ARL6: variants seen among roughly 807,000 people sequenced by gnomAD.
ARL6 encodes ADP-ribosylation factor-like protein 6.
A neutral mutation model predicts 27.1 loss-of-function variants in ARL6; 18 were observed. That is an observed-to-expected ratio of 0.66 (90% CI 0.46 to 0.98). The LOEUF (loss-of-function observed/expected upper bound fraction) is 0.98. Among genes scored for constraint, ARL6 ranks in the 50% least tolerant of loss-of-function variants. The pLI is 0.00. For missense variants in ARL6, 187 were observed against 214.9 expected, an observed-to-expected ratio of 0.87 and a Z score of 0.81; for synonymous variants, 65 against 72.3, an observed-to-expected ratio of 0.90 and a Z score of 0.51.
chr3:97,789,394 TGTATTAA>T (rs1431839120), intron 6 of ARL6, among the ~76,000 whole-genome samples: 2 of 152,202 alleles, frequency 1.3e-5, no homozygotes, highest in Non-Finnish European at 2.9e-5. Flanking sequence ...ATTTCTGTGT[TGTATTAA>T]GTATTGTGAC....
chr3:97,765,574 G>A (rs977701498), intron 1 of ARL6, among the ~76,000 whole-genome samples: 2 of 152,192 alleles, frequency 1.3e-5, no homozygotes, highest in African/African-American at 2.4e-5. Flanking sequence ...AGGAAGATTG[G>A]AGCCAGATTG....
chr3:97,788,047 A>C lies in ARL6; in HGVS notation c.407A>C (p.Asp136Ala). The C allele has an allele frequency of 6.2e-7, 1 of 1,613,090 alleles. No homozygotes were observed. The highest frequency in any genetic ancestry group is 1.1e-5 in the South Asian group (1 of 91,046). Reference protein sequence around the residue: ...LFFANKMDLRDAVTSVKVSQL... With the variant: ...LFFANKMDLRAAVTSVKVSQL... ...TTTGCAAATAAAATGGATCTTAGAG[A>C]TGCAGTGACATCTGTAAAAGTGTCT... is the stretch of plus-strand genomic sequence containing the variant. The change falls in exon 6 of 8, where the codon GAT becomes GCT. Residue 136 changes from aspartate to alanine, a missense_variant. Physicochemically the swap from Asp to Ala is moderately radical, Grantham distance 126 (BLOSUM62 -2). Coordinates refer to ENST00000463745, the MANE Select transcript of ARL6 (RefSeq NM_001278293.3).
intron 1 of ARL6, among the ~76,000 whole-genome samples, chr3:97,767,192 T>C (rs1429794691): frequency 3.3e-5 from 5 of 152,120 alleles, no homozygotes; most frequent in Non-Finnish European, 2.9e-5. Context: ...ATGAACACTT[T>C]AGGGACAAGT....
At position 97,800,421 on chromosome 3, in the gene ARL6, T is replaced by C. The variant is rs771857180; in HGVS notation, c.*2372T>C. 3 of 152,204 alleles carry C rather than the reference T, an allele frequency of 2.0e-5. No homozygotes were observed. The highest frequency in any genetic ancestry group is 2.9e-5 in the Non-Finnish European group (2 of 68,028). 9.4% of individuals were successfully genotyped at this position (152,204 alleles called of 1,614,324 possible). ...TCAGTGTGTTACAGAGTTTAATTCA[T>C]TAAGCTCTGTATTTGAATATAACAC... On this transcript the variant is annotated 3_prime_UTR_variant, in exon 8 of 8. Transcript: ENST00000463745.
intron 1 of ARL6, among the ~76,000 whole-genome samples, chr3:97,767,852 G>A (rs2036456599): frequency 6.6e-6 from 1 of 152,122 alleles, no homozygotes; most frequent in South Asian, 2.1e-4. Context: ...TTATTTCCAA[G>A]GCATTGTTCT....
intron 5 of ARL6, among the ~76,000 whole-genome samples, chr3:97,787,097 A>G (rs534249588): frequency 2.0e-5 from 3 of 152,202 alleles, no homozygotes; most frequent in South Asian, 4.1e-4. Context: ...AAAATTACCT[A>G]TATACACATT....
At chr3:97,786,062 T>C (rs1405401713) in intron 5 of ARL6, among the ~76,000 whole-genome samples, 1 of 152,134 alleles carries the variant, frequency 6.6e-6, no homozygotes, top group Non-Finnish European at 1.5e-5. Flanking sequence ...AACTTAGCAG[T>C]CTTGGCTGGG....
At chr3:97,780,117 C>A in intron 2 of ARL6, 42 bp from the exon 3 acceptor site, 1 of 1,513,798 alleles carries the variant, frequency 6.6e-7, no homozygotes, top group East Asian at 2.3e-5. Context: ...AAACTCATCT[C>A]TGGTAATTGT....
At chr3:97,789,342 A>G (rs946152104) in intron 6 of ARL6, among the ~76,000 whole-genome samples, 10 of 152,176 alleles carry the variant, frequency 6.6e-5, no homozygotes, top group Non-Finnish European at 2.9e-5. Flanking sequence ...ATTTCTCTAA[A>G]TCATACCTAA....
At chr3:97,789,543 T>C (rs2108074394) in intron 6 of ARL6, among the ~76,000 whole-genome samples, 1 of 152,236 alleles carries the variant, frequency 6.6e-6, no homozygotes, top group Admixed American at 6.5e-5. Context: ...TATTTCTCTG[T>C]GAGAAAAAAA....
rs114755917 is a variant in ARL6, at chr3:97,789,547, A to G, written c.479+1428A>G. On this transcript the variant is annotated intron_variant, in intron 6 of 7. Transcript: ENST00000463745. ...TGACATCTCAGTATTTCTCTGTGAG[A>G]AAAAAAGTAATATCCTGATGCTTAT... Among the ~76,000 whole-genome samples, 1,401 of 152,240 alleles carry G rather than the reference A, an allele frequency of 9.2e-3. 7 individuals carry two copies. The highest frequency in any genetic ancestry group is 0.016 in the Non-Finnish European group (1,092 of 67,996).
chr3:97,791,621 G>A, intron 6 of ARL6, 150 bp from the exon 7 acceptor site: 2 of 612,148 alleles, frequency 3.3e-6, no homozygotes, highest in Non-Finnish European at 5.7e-6. Context: ...TTTATTTTCT[G>A]TTTATTTTCA....
chr3:97,775,916 G>A (rs1296752395), intron 2 of ARL6, among the ~76,000 whole-genome samples: 1 of 152,206 alleles, frequency 6.6e-6, no homozygotes, highest in Admixed American at 6.5e-5. Context: ...GCAGCTGTTG[G>A]ATGGAATGTT....
At chr3:97,776,750 G>A (rs112662643) in intron 2 of ARL6, among the ~76,000 whole-genome samples, 167 of 151,936 alleles carry the variant, frequency 1.1e-3, no homozygotes, top group African/African-American at 3.5e-3. Context: ...TCCATTTCCC[G>A]GGTTCAAGTG....
At chr3:97,778,526 C>A (rs1369056165) in intron 2 of ARL6, among the ~76,000 whole-genome samples, 8 of 151,962 alleles carry the variant, frequency 5.3e-5, no homozygotes, top group Admixed American at 5.3e-4. Context: ...AAAATTTTCC[C>A]CTCTAATACT....
At chr3:97,794,009 T>G (rs1194791306) in intron 7 of ARL6, among the ~76,000 whole-genome samples, 3 of 152,170 alleles carry the variant, frequency 2.0e-5, no homozygotes, top group African/African-American at 7.2e-5. Flanking sequence ...TTGTACAGAT[T>G]AAATTAGATA....
chr3:97,780,203 G>C lies in ARL6; in HGVS notation c.168G>C (p.Glu56Asp), dbSNP rs1295586318. The C allele has an allele frequency of 1.2e-6, 2 of 1,612,718 alleles. No individual in the cohort carries two copies. The highest frequency in any genetic ancestry group is 1.3e-5 in the African/African-American group (1 of 74,884). ...TTCCAACAATAGGATTCAGCATAGA[G>C]AAATTCAAATCATCCAGGTAATCCA... ...NILPTIGFSI[E>D]KFKSSSLSFT... is the part of the protein sequence containing the mutation. Residue 56 changes from glutamate (E) to aspartate (D), a missense_variant, in exon 3 of 8, where the codon GAG (glutamate) becomes GAC (aspartate). Physicochemically the swap from Glu to Asp is conservative, Grantham distance 45. Coordinates refer to ENST00000463745, the MANE Select transcript of ARL6 (RefSeq NM_001278293.3).
At chr3:97,796,191 G>A (rs1324708710) in intron 7 of ARL6, among the ~76,000 whole-genome samples, 2 of 152,114 alleles carry the variant, frequency 1.3e-5, no homozygotes, top group Admixed American at 6.6e-5. Flanking sequence ...ATGGGAATGT[G>A]CACAAACAAG....
At chr3:97,769,694 G>T (rs959414180) in intron 2 of ARL6, among the ~76,000 whole-genome samples, 2 of 151,442 alleles carry the variant, frequency 1.3e-5, no homozygotes, top group African/African-American at 4.8e-5. Flanking sequence ...CCCTCTCTCC[G>T]CCCTACCCTT....
Sources: gnomAD v4.1 joint callset for allele counts (sites outside exome capture counted in the v4.1 genomes callset) on GRCh38, gnomAD v4.1.1 for gene constraint, MANE v1.5 for transcripts, NCBI Gene and HGNC (gene_info 2026-07-23, HGNC 2026-07-21) for gene names.